Variants in ATP12A observed in about 807,000 individuals in gnomAD.
The protein encoded by ATP12A is potassium-transporting ATPase alpha chain 2.
ATP12A carries 81 observed loss-of-function variants against 111.2 expected under a neutral mutation model. The observed-to-expected ratio is 0.73, with a 90% CI of 0.61 to 0.88. The LOEUF (loss-of-function observed/expected upper bound fraction) is 0.88. Ranked by LOEUF, ATP12A falls within the 40% of genes least tolerant of loss-of-function variation. ATP12A has a pLI of 0.00. For synonymous variants in ATP12A, 498 were observed against 499.8 expected, an observed-to-expected ratio of 1.00 and a Z score of 0.05; for missense variants, 1,196 against 1,313.1, an observed-to-expected ratio of 0.91 and a Z score of 1.38.
chr13:24,696,822 A>T (rs1875189389), intron 11 of ATP12A, among the ~76,000 whole-genome samples: 1 of 149,742 alleles, frequency 6.7e-6, no homozygotes, highest in African/African-American at 2.5e-5. Flanking sequence ...GGGTCATTTT[A>T]TATCTACACA....
At chr13:24,682,176 G>GTATAT (rs1874494479) in intron 2 of ATP12A, among the ~76,000 whole-genome samples, 3 of 137,588 alleles carry the variant, frequency 2.2e-5, no homozygotes, top group Non-Finnish European at 3.1e-5. Context: ...GTATGTGTGT[G>GTATAT]GTGTGTGTAT....
chr13:24,711,134 G>T (rs1875949159), intron 21 of ATP12A, among the ~76,000 whole-genome samples, 184 bp from the exon 22 acceptor site: 1 of 152,228 alleles, frequency 6.6e-6, no homozygotes, highest in African/African-American at 2.4e-5. Flanking sequence ...GGCAGACATT[G>T]CTTCTAGCAG....
chr13:24,708,940 AGAAAGAAAGAAAGAAAGAAAGAAG>A lies in ATP12A; in HGVS notation c.2494-417_2494-394del, dbSNP rs1417721686. On this transcript the variant is annotated intron_variant, in intron 17 of 22. Coordinates refer to ENST00000381946, the MANE Select transcript of ATP12A (RefSeq NM_001676.7). ...AAGAAAGAAAGAAAGAAAGAAAGAA[AGAAAGAAAGAAAGAAAGAAAGAAG>A]GAAAGAGAAAGAGAAATGAATGCAA... is the stretch of plus-strand genomic sequence containing the variant. Among the ~76,000 whole-genome samples the A allele has an allele frequency of 1.7e-3, 239 of 143,528 alleles. 3 individuals are homozygous for A. The highest frequency in any genetic ancestry group is 3.4e-3 in the Middle Eastern group (1 of 290). The allele number at this position is 143,528 out of a possible 152,430, so 94.2% of individuals were successfully genotyped here. A position where few individuals can be genotyped will look rare whatever the true frequency, so the allele number is the denominator to read the frequency against.
At chr13:24,686,984 G>T (rs998897339) in intron 3 of ATP12A, among the ~76,000 whole-genome samples, 1 of 152,082 alleles carries the variant, frequency 6.6e-6, no homozygotes, top group Admixed American at 6.6e-5. Context: ...ACCAGGAGAA[G>T]TCTCTCCGGA....
intron 2 of ATP12A, among the ~76,000 whole-genome samples, chr13:24,684,947 G>C (rs918042747): frequency 6.6e-6 from 1 of 152,178 alleles, no homozygotes; most frequent in African/African-American, 2.4e-5. Flanking sequence ...CCAATCCCAG[G>C]GTTCAGGCCT....
intron 1 of ATP12A, 133 bp downstream of exon 1, chr13:24,680,885 C>T (rs1874405133): frequency 7.4e-7 from 1 of 1,344,410 alleles, no homozygotes; most frequent in Admixed American, 3.8e-5. Flanking sequence ...GGGAGGCCGC[C>T]TTTCCTCTGA....
rs1875996158 is a variant in ATP12A, at chr13:24,712,010, A to C, written c.*488A>C. 5.5e-6 allele frequency: 1 copy of C among 181,478 alleles called. No homozygotes were observed. Among genetic ancestry groups the C allele is most frequent in the Non-Finnish European group, 1.2e-5 (1 of 85,738 alleles). The allele number at this position is 181,478 out of a possible 1,614,324, so 11.2% of individuals were successfully genotyped here. A position where few individuals can be genotyped will look rare whatever the true frequency, so the allele number is the denominator to read the frequency against. On this transcript the variant is annotated 3_prime_UTR_variant, in exon 23 of 23. Coordinates refer to ENST00000381946, the MANE Select transcript of ATP12A (RefSeq NM_001676.7). ...GCCAACTCACCCGAGGGTCTGCAGGAGATGGAAGTGGCGGCAGGTTTACAT... is the reference window on the plus strand; with the variant it reads ...GCCAACTCACCCGAGGGTCTGCAGGCGATGGAAGTGGCGGCAGGTTTACAT...
At position 24,692,772 on chromosome 13, in the gene ATP12A, TTC is replaced by T. The variant is rs748885621; in HGVS notation, c.1268-11_1268-10del. 42 of 1,612,910 alleles carry T rather than the reference TTC, an allele frequency of 2.6e-5. No homozygotes were observed. In the South Asian group the frequency reaches 3.8e-4, roughly 15 times the overall value. On this transcript the variant is annotated splice_polypyrimidine_tract_variant and intron_variant, in intron 9 of 22. Transcript: ENST00000381946. ...CCCAACCCACAGCAGCCACTGTTCT[TTC>T]TCTGTCTTCCAGACCAAGTCTTTGA...
At chr13:24,692,386 C>A (rs899130264) in intron 8 of ATP12A, 43 bp from the exon 9 acceptor site, 2 of 1,592,548 alleles carry the variant, frequency 1.3e-6, no homozygotes, top group South Asian at 2.2e-5. Flanking sequence ...GACCTGAGTT[C>A]AAATGAGGAT....
Position 24,708,942 on chromosome 13 carries a change from A to AAGG in ATP12A, c.2494-421_2494-420insGGA, listed in dbSNP as rs1566078291. Among the ~76,000 whole-genome samples the AAGG allele has an allele frequency of 1.4e-3, 152 of 107,860 alleles. 3 individuals carry two copies. Among genetic ancestry groups the AAGG allele is most frequent in the African/African-American group, 4.3e-3 (108 of 24,870 alleles). The allele number at this position is 107,860 out of a possible 152,430, so 70.8% of individuals were successfully genotyped here. A position where few individuals can be genotyped will look rare whatever the true frequency, so the allele number is the denominator to read the frequency against. ...GAAAGAAAGAAAGAAAGAAAGAAAGAAAGAAAGAAAGAAAGAAAGAAGGAA... is the reference window on the plus strand; with the variant it reads ...GAAAGAAAGAAAGAAAGAAAGAAAGAAGGAAGAAAGAAAGAAAGAAAGAAGGAA... On this transcript the variant is annotated intron_variant, in intron 17 of 22. Transcript: ENST00000381946.
At position 24,690,487 on chromosome 13, in the gene ATP12A, G is replaced by T. The variant is rs756613912; in HGVS notation, c.681+15G>T. 11 of 1,613,432 alleles carry T rather than the reference G, an allele frequency of 6.8e-6. No individual in the cohort carries two copies. The highest frequency in any genetic ancestry group is 4.4e-5 in the South Asian group (4 of 90,996). Reference sequence around the variant, plus strand: ...AGGGGTGTCGGGTAAGCGGCAAGGGGTATCCACCCCAAGGACCATGTTCCA... The same window carrying T: ...AGGGGTGTCGGGTAAGCGGCAAGGGTTATCCACCCCAAGGACCATGTTCCA... On this transcript the variant is annotated intron_variant, in intron 6 of 22. Transcript: ENST00000381946.
At chr13:24,708,954 A>AAGG (rs1875824146) in intron 17 of ATP12A, among the ~76,000 whole-genome samples, 3 of 121,044 alleles carry the variant, frequency 2.5e-5, no homozygotes, top group African/African-American at 9.3e-5. Context: ...AGAAAGAAAG[A>AAGG]AAGAAAGAAG....
Position 24,710,914 on chromosome 13 carries a change from A to G in ATP12A, c.2999+21A>G, listed in dbSNP as rs181435080. On this transcript the variant is annotated intron_variant, in intron 21 of 22. Coordinates refer to ENST00000381946, the MANE Select transcript of ATP12A (RefSeq NM_001676.7). ...CTTAGGTGAGTTCACCCTCAACAGC[A>G]TGGAGGAAAGAGCCAGCCTCTGCTT... The G allele has an allele frequency of 6.2e-6, 10 of 1,602,430 alleles. No homozygotes were observed. The East Asian group carries it at 1.1e-4, about 18-fold the overall frequency.
rs759929154 is a variant in ATP12A at position 24,706,309 on chromosome 13, C to A, written c.2019-4C>A. ...CCTCACCCAGTTTCTTCTGGCCCTT[C>A]TAGGGATGCCAAGGCCGCTGTGGTG... On this transcript the variant is annotated splice_polypyrimidine_tract_variant and splice_region_variant and intron_variant, in intron 14 of 22. Transcript: ENST00000381946. 7 of 1,613,438 alleles carry A rather than the reference C, an allele frequency of 4.3e-6. No homozygotes were observed. The South Asian group carries it at 6.6e-5, about 15-fold the overall frequency.
chr13:24,698,664 A>G lies in ATP12A; in HGVS notation c.1519A>G (p.Ile507Val). The change falls in exon 12 of 23, where the codon ATC (isoleucine) becomes GTC (valine). Residue 507 changes from isoleucine to valine, a missense_variant. Around this residue, in one of 3 missense-constraint regions of ATP12A, gnomAD observed 1,126 missense variants for 1,228.5 expected, o/e 0.92. Coordinates refer to ENST00000381946, the MANE Select transcript of ATP12A (RefSeq NM_001676.7). The part of the protein sequence containing the change: ...FNSTNKFQLS[I>V]HEMDDPHGKR... ...TCAGTTCATTCCTTCCCAGCTCTCC[A>G]TCCACGAGATGGATGACCCCCACGG... 2 of 1,613,356 alleles carry G rather than the reference A, an allele frequency of 1.2e-6. No homozygotes were observed. Among genetic ancestry groups the G allele is most frequent in the Non-Finnish European group, 1.7e-6 (2 of 1,179,940 alleles).
intron 3 of ATP12A, among the ~76,000 whole-genome samples, chr13:24,686,963 T>C (rs944749930): frequency 2.0e-5 from 3 of 151,908 alleles, no homozygotes; most frequent in Non-Finnish European, 4.4e-5. Context: ...GATGAACTTA[T>C]TGTGAGTTAT....
intron 9 of ATP12A, 65 bp downstream of exon 9, chr13:24,692,692 A>C: frequency 4.4e-6 from 7 of 1,598,728 alleles, no homozygotes; most frequent in Non-Finnish European, 6.0e-6. Context: ...TGAGCTGAGC[A>C]CACAGCAGGG....
In ATP12A at chr13:24,707,208, G is replaced by T; in HGVS notation, c.2338+17G>T. 3 of 1,613,282 alleles carry T rather than the reference G, an allele frequency of 1.9e-6. No homozygotes were observed. The highest frequency in any genetic ancestry group is 2.5e-6 in the Non-Finnish European group (3 of 1,179,494). On this transcript the variant is annotated intron_variant, in intron 16 of 22. Coordinates refer to ENST00000381946, the MANE Select transcript of ATP12A (RefSeq NM_001676.7). ...TGGAGGAAGGTGAGTGAGTCTCAGG[G>T]GGTCTTCCCAAGGGCCAGGGTGGTC...
rs144947069 is a variant in ATP12A at position 24,701,987 on chromosome 13, G to A, written c.1934G>A (p.Ser645Asn). The change falls in exon 14 of 23, where the codon AGT becomes AAT. Residue 645 changes from serine to asparagine, a missense_variant. This residue lies in a region of ATP12A where 1,126 missense variants were observed against 1,228.5 expected (regional missense o/e 0.92). Transcript: ENST00000381946. ...HPITAKAIAK[S>N]VGIISANSET... Reference sequence around the variant, plus strand: ...ATCACAGCCAAAGCTATTGCCAAGAGTGTGGGGATCATTTCAGCCAACAGT... The same window carrying A: ...ATCACAGCCAAAGCTATTGCCAAGAATGTGGGGATCATTTCAGCCAACAGT... 258 of 1,614,118 alleles carry A rather than the reference G, an allele frequency of 1.6e-4. 2 individuals are homozygous for A. The highest frequency in any genetic ancestry group is 1.4e-3 in the Admixed American group (83 of 60,008).
Sources: allele counts gnomAD v4.1 joint callset (sites outside exome capture counted in the v4.1 genomes callset), GRCh38; gene constraint gnomAD v4.1.1; regional missense constraint gnomAD v4.1.1; transcripts MANE v1.5; gene names NCBI Gene and HGNC (gene_info 2026-07-23, HGNC 2026-07-21).